CEP192: variants seen among roughly 807,000 people sequenced by gnomAD.
CEP192 encodes the protein centrosomal protein 192, also known as centrosomal protein of 192 kDa.
In CEP192, 151 loss-of-function variants were observed where a neutral mutation model predicts 271.8. That is an observed-to-expected ratio of 0.56 (90% CI 0.49 to 0.64). The LOEUF (loss-of-function observed/expected upper bound fraction) is 0.64, where lower values mean the gene tolerates loss of function less well. Ranked by LOEUF, CEP192 falls within the 30% of genes least tolerant of loss-of-function variation. CEP192 has a pLI of 0.00. For synonymous variants in CEP192, 995 were observed against 1,076.5 expected (o/e 0.92, Z 1.48); for missense variants, 2,910 against 3,020.5 (o/e 0.96, Z 0.86).
Position 13,029,789 on chromosome 18 carries a change from G to C in CEP192, c.1177G>C (p.Gly393Arg). 1 of 1,551,622 alleles carries C rather than the reference G, an allele frequency of 6.4e-7. No individual in the cohort carries two copies. Among genetic ancestry groups the C allele is most frequent in the South Asian group, 1.2e-5 (1 of 84,056 alleles). The change falls in exon 10 of 45, where the codon GGG (glycine) becomes CGG (arginine). Residue 393 changes from glycine to arginine, a missense_variant. By Grantham distance (125) the Gly-to-Arg change is moderately radical. Coordinates refer to ENST00000506447, the MANE Select transcript of CEP192 (RefSeq NM_032142.4). ...TGATCTGACTGACCCTGTAAAACAGGGGGCAGAGTGTCCTCACCAAAATAA... is the reference window on the plus strand; with the variant it reads ...TGATCTGACTGACCCTGTAAAACAGCGGGCAGAGTGTCCTCACCAAAATAA... Reference protein sequence around the residue: ...GFDLTDPVKQGAECPHQNKTV... With the variant: ...GFDLTDPVKQRAECPHQNKTV...
intron 21 of CEP192, among the ~76,000 whole-genome samples, chr18:13,062,346 G>A (rs1426740327): frequency 1.3e-5 from 2 of 152,166 alleles, no homozygotes; most frequent in East Asian, 3.8e-4. Flanking sequence ...CACATGCATA[G>A]AAACTGTTAG....
Position 13,011,088 on chromosome 18 carries a change from G to A in CEP192, c.467-1885G>A, listed in dbSNP as rs141752202. On this transcript the variant is annotated intron_variant, in intron 4 of 44. Transcript: ENST00000506447. ...CTAAAACTACAAAAATTAGCTGGGC[G>A]TGGTGGCGGGCGCCTGTAGTCCCAG... 7.0e-3 allele frequency among the ~76,000 whole-genome samples: 1,053 copies of A among 151,462 alleles called. 7 individuals are homozygous for A. Among genetic ancestry groups the A allele is most frequent in the African/African-American group, 0.017 (715 of 41,284 alleles).
intron 44 of CEP192, 45 bp downstream of exon 44, chr18:13,117,688 C>CT: frequency 1.4e-6 from 2 of 1,470,152 alleles, no homozygotes; most frequent in Non-Finnish European, 1.9e-6. Flanking sequence ...CGATGCAGGA[C>CT]TTTCGTCTCT....
Position 13,040,908 on chromosome 18 carries a change from G to A in CEP192, c.1888G>A (p.Gly630Ser), listed in dbSNP as rs1235858336. The A allele has an allele frequency of 6.2e-7, 1 of 1,609,420 alleles. No individual in the cohort carries two copies. The highest frequency in any genetic ancestry group is 1.3e-5 in the African/African-American group (1 of 74,738). Residue 630 changes from glycine (G) to serine (S), a missense_variant, in exon 14 of 45, where the codon GGT becomes AGT. Gly to Ser is a moderately conservative substitution (Grantham distance 56). Coordinates refer to ENST00000506447, the MANE Select transcript of CEP192 (RefSeq NM_032142.4). ...AATAAGAAAATCTGATGTATCAAGA[G>A]GTAATTTGGAAAAAGAAATGGCTCA... ...ALIRKSDVSR[G>S]NLEKEMAHLN...
intron 32 of CEP192, chr18:13,088,636 A>T (rs1444855974): frequency 1.6e-5 from 3 of 185,562 alleles, no homozygotes; most frequent in African/African-American, 4.7e-5. Context: ...CTGCTAATAA[A>T]AAATAATTAG....
chr18:13,074,791 A>C (rs879623216), intron 30 of CEP192, among the ~76,000 whole-genome samples: 22 of 152,190 alleles, frequency 1.4e-4, no homozygotes, highest in Non-Finnish European at 2.9e-4. Context: ...AGAGTGGCGG[A>C]AGAGCTGTTA....
At chr18:13,040,679 T>C (rs2036153794) in intron 13 of CEP192, 151 bp from the exon 14 acceptor site, 7 of 547,290 alleles carry the variant, frequency 1.3e-5, no homozygotes, top group Non-Finnish European at 2.2e-5. Context: ...TACCTGGACC[T>C]TTGAAGGTCA....
intron 30 of CEP192, among the ~76,000 whole-genome samples, chr18:13,085,967 G>A (rs1382244707): frequency 6.6e-6 from 1 of 151,778 alleles, no homozygotes; most frequent in Non-Finnish European, 1.5e-5. Context: ...GAACAGCATT[G>A]AATCTATAAA....
rs1427596473 is a variant in CEP192, at chr18:13,038,566, A to G, written c.1796A>G (p.Asn599Ser). Residue 599 changes from asparagine (N) to serine (S), a missense_variant, in exon 13 of 45, where the codon AAC (asparagine) becomes AGC (serine). Coordinates refer to ENST00000506447, the MANE Select transcript of CEP192 (RefSeq NM_032142.4). The part of the protein sequence containing the change: ...SEALGCLGGG[N>S]NVKRPSFGYF... The stretch of plus-strand genomic sequence containing the variant: ...GCTCTTGGTTGCCTTGGTGGTGGTA[A>G]CAATGTGAAAAGAGTAAGTATGGAA... 1.9e-6 allele frequency: 3 copies of G among 1,551,362 alleles called. No homozygotes were observed. Among genetic ancestry groups the G allele is most frequent in the Non-Finnish European group, 2.6e-6 (3 of 1,146,686 alleles).
intron 30 of CEP192, among the ~76,000 whole-genome samples, chr18:13,075,282 C>A (rs1234097341): frequency 6.7e-6 from 1 of 150,200 alleles, no homozygotes; most frequent in Non-Finnish European, 1.5e-5. Context: ...CAGAGAGCAG[C>A]CCGGCCGGGT....
chr18:13,063,835 T>C (rs2144292817), intron 21 of CEP192, among the ~76,000 whole-genome samples: 1 of 151,584 alleles, frequency 6.6e-6, no homozygotes, highest in African/African-American at 2.4e-5. Context: ...TTTTTTTTTT[T>C]TTTGAAATGG....
At chr18:13,099,359 G>C in intron 36 of CEP192, 117 bp from the exon 37 acceptor site, 1 of 601,830 alleles carries the variant, frequency 1.7e-6, no homozygotes, top group Non-Finnish European at 2.9e-6. Context: ...TCTGTTCTCT[G>C]CTCTTCCTGA....
intron 11 of CEP192, among the ~76,000 whole-genome samples, chr18:13,033,348 A>G (rs2035739770): frequency 6.6e-6 from 1 of 152,140 alleles, no homozygotes; most frequent in African/African-American, 2.4e-5. Flanking sequence ...TTAATCATGG[A>G]AAGAAATGCA....
At chr18:12,995,305 C>A (rs1435242824) in intron 1 of CEP192, among the ~76,000 whole-genome samples, 1 of 151,948 alleles carries the variant, frequency 6.6e-6, no homozygotes, top group African/African-American at 2.4e-5. Context: ...ACCTCGTGAT[C>A]CGCCCGCCTC....
chr18:13,017,391 G>A lies in CEP192; in HGVS notation c.789+55G>A, dbSNP rs188485308. 871 of 1,321,110 alleles carry A rather than the reference G, an allele frequency of 6.6e-4. 1 individual carries two copies. Among genetic ancestry groups the A allele is most frequent in the Middle Eastern group, 1.5e-3 (7 of 4,766 alleles). 81.8% of individuals were successfully genotyped at this position (1,321,110 alleles called of 1,614,324 possible). On this transcript the variant is annotated intron_variant, in intron 7 of 44. Transcript: ENST00000506447. ...AATTTGACATTAGAAAATTACTATT[G>A]GTCTCCTTGGATGTTCACATGAAAT...
Position 13,096,302 on chromosome 18 carries a change from G to A in CEP192, c.6552G>A (p.Ala2184=), listed in dbSNP as rs1029117177. The A allele has an allele frequency of 1.5e-5, 24 of 1,613,088 alleles. No homozygotes were observed. Among genetic ancestry groups the A allele is most frequent in the African/African-American group, 6.7e-5 (5 of 74,902 alleles). ...TCACGCCGCAGCATGGATGTGTCGC[G>A]CCAGAGTAAGTCTGACTTCTGTGTT... is the stretch of plus-strand genomic sequence containing the variant. The part of the protein sequence containing the change: ...LTVTPQHGCV[A]PESKLQILVS... The change falls in exon 36 of 45, where the codon GCG becomes GCA. Residue 2184 remains alanine, a synonymous_variant. Coordinates refer to ENST00000506447, the MANE Select transcript of CEP192 (RefSeq NM_032142.4).
intron 15 of CEP192, 49 bp downstream of exon 15, chr18:13,042,383 C>G (rs2036258035): frequency 3.1e-6 from 5 of 1,590,676 alleles, no homozygotes; most frequent in Non-Finnish European, 2.6e-6. Context: ...TGTTGTAGTT[C>G]TTATCTAGGA....
At chr18:13,082,347 A>G (rs1466934865) in intron 30 of CEP192, among the ~76,000 whole-genome samples, 1 of 145,582 alleles carries the variant, frequency 6.9e-6, no homozygotes, top group Non-Finnish European at 1.5e-5. Flanking sequence ...TTGATCTCTT[A>G]TGATTATATG....
At chr18:13,072,163 A>G (rs1242524700) in intron 28 of CEP192, among the ~76,000 whole-genome samples, 2 of 152,146 alleles carry the variant, frequency 1.3e-5, no homozygotes, top group East Asian at 3.9e-4. Context: ...AATTTGAGTA[A>G]AACAGAGATT....
Sources: gnomAD v4.1 joint callset for allele counts (sites outside exome capture counted in the v4.1 genomes callset) on GRCh38, gnomAD v4.1.1 for gene constraint, MANE v1.5 for transcripts, NCBI Gene and HGNC (gene_info 2026-07-23, HGNC 2026-07-21) for gene names.